Variants in CBFA2T2 observed in about 807,000 individuals in gnomAD.
The protein encoded by CBFA2T2 is CBFA2/RUNX1 partner transcriptional co-repressor 2, also known as protein CBFA2T2.
In CBFA2T2, 11 loss-of-function variants were observed where a neutral mutation model predicts 62.2. That is an observed-to-expected ratio of 0.18 (90% confidence interval 0.11 to 0.29). The LOEUF (loss-of-function observed/expected upper bound fraction) is 0.29, where lower values mean the gene tolerates loss of function less well. CBFA2T2 is among the 10% of genes least tolerant of loss of function. CBFA2T2 has a pLI of 1.00. For synonymous variants in CBFA2T2, 295 were observed against 287.5 expected (o/e 1.03, Z -0.27); for missense variants, 592 against 774.1 (o/e 0.76, Z 2.79).
chr20:33,626,123 AAAAC>A (rs766412557), intron 6 of CBFA2T2, among the ~76,000 whole-genome samples: 1 of 152,082 alleles, frequency 6.6e-6, no homozygotes, highest in Non-Finnish European at 1.5e-5. Context: ...AACCAAACAA[AAAAC>A]AAACAAAAAA....
chr20:33,505,768 C>T (rs1005686167), intron 1 of CBFA2T2, among the ~76,000 whole-genome samples: 9 of 149,824 alleles, frequency 6.0e-5, no homozygotes, highest in Non-Finnish European at 8.9e-5. Context: ...GCAACAAGAG[C>T]GAAACTCTTG....
At chr20:33,529,578 C>G (rs2011986254) in intron 1 of CBFA2T2, among the ~76,000 whole-genome samples, 1 of 151,170 alleles carries the variant, frequency 6.6e-6, no homozygotes, top group Non-Finnish European at 1.5e-5. Flanking sequence ...TGAGACCAGT[C>G]TGAGCAACAA....
At position 33,616,064 on chromosome 20, in the gene CBFA2T2, A is replaced by G. The variant is rs552902570; in HGVS notation, c.421-3453A>G. On this transcript the variant is annotated intron_variant, in intron 3 of 10. Coordinates refer to ENST00000342704, the MANE Select transcript of CBFA2T2 (RefSeq NM_001032999.3). ...GCACTCCTGCCTGGGTGACAAAGCA[A>G]TACTCTGTAGATAGAGATAGATAGA... Among the ~76,000 whole-genome samples the G allele has an allele frequency of 1.7e-4, 26 of 148,982 alleles. No homozygotes were observed. The South Asian group carries it at 3.4e-3, about 20-fold the overall frequency.
chr20:33,558,485 T>G (rs2012981277), intron 1 of CBFA2T2, among the ~76,000 whole-genome samples: 1 of 152,110 alleles, frequency 6.6e-6, no homozygotes, highest in Admixed American at 6.6e-5. Flanking sequence ...CCATCTCCCT[T>G]TTTTTCCTTA....
At chr20:33,504,731 A>C (rs1272724389) in intron 1 of CBFA2T2, among the ~76,000 whole-genome samples, 1 of 152,060 alleles carries the variant, frequency 6.6e-6, no homozygotes, top group Non-Finnish European at 1.5e-5. Context: ...AAACTGCCAA[A>C]ATGTTTTCCA....
rs1600896306 is a variant in CBFA2T2, at chr20:33,496,555, T to A, written c.34+6254T>A. 2.6e-5 allele frequency among the ~76,000 whole-genome samples: 4 copies of A among 152,236 alleles called. No homozygotes were observed. The South Asian group carries it at 6.2e-4, about 24-fold the overall frequency. On this transcript the variant is annotated intron_variant, in intron 1 of 10. Transcript: ENST00000342704. ...AGAAAGGTATATAATCATTGGACCT[T>A]CAAGGAAGTCTAAACAGTTAAAAGT...
At chr20:33,490,637 C>T (rs912060747) in intron 1 of CBFA2T2, among the ~76,000 whole-genome samples, 1 of 152,212 alleles carries the variant, frequency 6.6e-6, no homozygotes, top group African/African-American at 2.4e-5. Context: ...CGAAGTCCGG[C>T]TCCTGGGGAA....
At chr20:33,623,351 C>T in intron 5 of CBFA2T2, 55 bp downstream of exon 5, 6 of 1,583,420 alleles carry the variant, frequency 3.8e-6, no homozygotes, top group East Asian at 4.5e-5. Context: ...TGGTCCTCCC[C>T]TTTGCTTATA....
chr20:33,623,952 TGGAA>T, intron 5 of CBFA2T2: 1 of 452,058 alleles, frequency 2.2e-6, no homozygotes, highest in Admixed American at 4.9e-5. Context: ...TAGAAAGAAT[TGGAA>T]AAAAAAAAAA....
chr20:33,641,643 G>A (rs1198531921), intron 10 of CBFA2T2, among the ~76,000 whole-genome samples: 1 of 152,154 alleles, frequency 6.6e-6, no homozygotes, highest in East Asian at 1.9e-4. Flanking sequence ...GAGTGCAATG[G>A]TGCGGTCTCG....
intron 8 of CBFA2T2, among the ~76,000 whole-genome samples, chr20:33,634,923 A>G (rs1396838323): frequency 6.6e-6 from 1 of 152,192 alleles, no homozygotes; most frequent in East Asian, 1.9e-4. Context: ...CTTCAGGGAA[A>G]AGAAAACTAC....
At chr20:33,571,659 G>C (rs537335235) in intron 1 of CBFA2T2, among the ~76,000 whole-genome samples, 2 of 152,200 alleles carry the variant, frequency 1.3e-5, no homozygotes, top group East Asian at 1.9e-4. Flanking sequence ...TGGTCACTTT[G>C]CATATTTATC....
At chr20:33,616,107 AG>A (rs2015701622) in intron 3 of CBFA2T2, among the ~76,000 whole-genome samples, 1 of 151,924 alleles carries the variant, frequency 6.6e-6, no homozygotes, top group Non-Finnish European at 1.5e-5. Context: ...ATAGATAGAT[AG>A]ATAGATAGAT....
intron 1 of CBFA2T2, among the ~76,000 whole-genome samples, chr20:33,515,275 C>T (rs2011579683): frequency 7.0e-6 from 1 of 143,594 alleles, no homozygotes; most frequent in Non-Finnish European, 1.5e-5. Context: ...TGCTTGAAAC[C>T]TGGAGGTGGA....
chr20:33,623,164 C>T lies in CBFA2T2; in HGVS notation c.560C>T (p.Ala187Val), dbSNP rs2016059935. The change falls in exon 5 of 11, where the codon GCC (alanine) becomes GTC (valine). Residue 187 changes from alanine (A) to valine (V), a missense_variant. Ala to Val is a moderately conservative substitution (Grantham distance 64). Transcript: ENST00000342704. ...GAACTGCTGCACTGCGCTCGGGCGG[C>T]CAAGCAGACCCCATCCCAGTACCTG... ...QRELLHCARA[A>V]KQTPSQYLAQ... 9 of 1,614,222 alleles carry T rather than the reference C, an allele frequency of 5.6e-6. No homozygotes were observed. Among genetic ancestry groups the T allele is most frequent in the Non-Finnish European group, 6.8e-6 (8 of 1,180,036 alleles).
At chr20:33,575,041 C>G (rs1311188242) in intron 1 of CBFA2T2, among the ~76,000 whole-genome samples, 3 of 152,170 alleles carry the variant, frequency 2.0e-5, no homozygotes, top group African/African-American at 7.2e-5. Context: ...TAAAATATTT[C>G]TAGCAACTTC....
chr20:33,643,775 A>C (rs1281883045), intron 10 of CBFA2T2, among the ~76,000 whole-genome samples: 5 of 7,004 alleles, frequency 7.1e-4, no homozygotes, highest in Non-Finnish European at 2.3e-4. Context: ...ATATATATAT[A>C]TATATATATA....
intron 1 of CBFA2T2, among the ~76,000 whole-genome samples, chr20:33,557,663 C>T (rs751525671): frequency 6.6e-6 from 1 of 151,968 alleles, no homozygotes; most frequent in African/African-American, 2.4e-5. Flanking sequence ...TGCCCCAACA[C>T]GCCTGGCTAA....
At chr20:33,490,834 C>T (rs1315216634) in intron 1 of CBFA2T2, among the ~76,000 whole-genome samples, 1 of 152,184 alleles carries the variant, frequency 6.6e-6, no homozygotes, top group Non-Finnish European at 1.5e-5. Flanking sequence ...GAGCGGGTTC[C>T]CTCCCTCCCC....
Sources: gnomAD v4.1 joint callset for allele counts (sites outside exome capture counted in the v4.1 genomes callset) on GRCh38, gnomAD v4.1.1 for gene constraint, MANE v1.5 for transcripts, NCBI Gene and HGNC (gene_info 2026-07-23, HGNC 2026-07-21) for gene names.